TIGIT: variants seen among roughly 807,000 people sequenced by gnomAD.
TIGIT encodes T-cell immunoreceptor with Ig and ITIM domains.
Under a neutral mutation model 19.6 loss-of-function variants are expected in TIGIT, and 11 were observed. The ratio of observed to expected loss-of-function variants is 0.56; its 90% CI spans 0.35 to 0.93. TIGIT has a LOEUF of 0.93. TIGIT is among the 40% of genes least tolerant of loss of function. The pLI is 0.01. For missense variants in TIGIT, 295 were observed against 303.9 expected (o/e 0.97, Z 0.22); for synonymous variants, 130 against 125.5 (o/e 1.04, Z -0.24).
chr3:114,295,256 A>ATGGGC lies in TIGIT; in HGVS notation c.62-275_62-271dup, dbSNP rs1163053514. Among the ~76,000 whole-genome samples the ATGGGC allele has an allele frequency of 3.9e-5, 6 of 151,992 alleles. No homozygotes were observed. The South Asian group carries it at 8.3e-4, about 21-fold the overall frequency. ...GCATAGGGCAGTGGGTGGGGAGGAG[A>ATGGGC]TGGGCTGGGCTGGGCTGGAGTAGAG... On this transcript the variant is annotated intron_variant, in intron 1 of 3. Coordinates refer to ENST00000383671, the MANE Select transcript of TIGIT (RefSeq NM_173799.4).
chr3:114,299,206 T>C (rs1039523), intron 2 of TIGIT, among the ~76,000 whole-genome samples: 38,890 of 152,214 alleles, frequency 0.26, 6,065 homozygotes, highest in Middle Eastern at 0.37. Context: ...ATTTTAATTT[T>C]GAATTAAATA....
At chr3:114,305,094 G>A (rs771580102) in intron 3 of TIGIT, among the ~76,000 whole-genome samples, 6 of 152,224 alleles carry the variant, frequency 3.9e-5, no homozygotes, top group East Asian at 3.9e-4. Flanking sequence ...TCAGTCCATC[G>A]GTGCAATTTA....
intron 3 of TIGIT, among the ~76,000 whole-genome samples, chr3:114,305,041 C>T (rs1230637770): frequency 2.6e-5 from 4 of 152,216 alleles, no homozygotes; most frequent in African/African-American, 4.8e-5. Flanking sequence ...TTAACTCTCA[C>T]ACTTTGAGTT....
rs147478804 is a variant in TIGIT, at chr3:114,305,927, G to A, written c.499-1968G>A. Among the ~76,000 whole-genome samples, 11 of 151,960 alleles carry A rather than the reference G, an allele frequency of 7.2e-5. No individual in the cohort carries two copies. In the East Asian group the frequency reaches 1.9e-3, roughly 27 times the overall value. On this transcript the variant is annotated intron_variant, in intron 3 of 3. Coordinates refer to ENST00000383671, the MANE Select transcript of TIGIT (RefSeq NM_173799.4). ...ATAGATGAGGAGGGATTTGTTAGGGGAATTTGTTCAGGTGATTGTAAAGGC... is the reference window on the plus strand; with the variant it reads ...ATAGATGAGGAGGGATTTGTTAGGGAAATTTGTTCAGGTGATTGTAAAGGC...
chr3:114,299,673 A>T lies in TIGIT; in HGVS notation c.468A>T (p.Ala156=). Residue 156 remains alanine (A), a synonymous_variant, in exon 3 of 4, where the codon GCA becomes GCT. Coordinates refer to ENST00000383671, the MANE Select transcript of TIGIT (RefSeq NM_173799.4). The part of the protein sequence containing the change: ...MAATLVVICT[A]VIVVVALTRK... The stretch of plus-strand genomic sequence containing the variant: ...CGACGCTGGTGGTCATCTGCACAGC[A>T]GTCATCGTGGTGGTCGCGTTGACTA... The T allele has an allele frequency of 1.2e-6, 2 of 1,613,028 alleles. No individual in the cohort carries two copies. Among genetic ancestry groups the T allele is most frequent in the Non-Finnish European group, 1.7e-6 (2 of 1,179,842 alleles).
rs141793043 is a variant in TIGIT, at chr3:114,299,691, G to A, written c.486G>A (p.Ala162=). The stretch of plus-strand genomic sequence containing the variant: ...GCACAGCAGTCATCGTGGTGGTCGC[G>A]TTGACTAGAAAGGTAATGGCTCCGG... The part of the protein sequence containing the change: ...VICTAVIVVV[A]LTRKKKALRI... Residue 162 remains alanine, a synonymous_variant, in exon 3 of 4, where the codon GCG becomes GCA. Transcript: ENST00000383671. The A allele has an allele frequency of 1.9e-5, 30 of 1,610,732 alleles. No homozygotes were observed. Among genetic ancestry groups the A allele is most frequent in the East Asian group, 4.5e-5 (2 of 44,874 alleles).
intron 2 of TIGIT, among the ~76,000 whole-genome samples, chr3:114,298,344 C>T (rs1242187301): frequency 6.6e-6 from 1 of 152,198 alleles, no homozygotes; most frequent in African/African-American, 2.4e-5. Flanking sequence ...GTATCTCGAA[C>T]TTATCCTTAA....
intron 3 of TIGIT, among the ~76,000 whole-genome samples, chr3:114,300,248 A>G (rs1324647435): frequency 2.0e-5 from 3 of 152,140 alleles, no homozygotes; most frequent in African/African-American, 7.2e-5. Flanking sequence ...GTTGGCTATC[A>G]CAATAGACAT....
At chr3:114,303,854 G>A (rs1254272213) in intron 3 of TIGIT, among the ~76,000 whole-genome samples, 1 of 151,874 alleles carries the variant, frequency 6.6e-6, no homozygotes, top group Non-Finnish European at 1.5e-5. Context: ...GTTTTCCATA[G>A]TCATACTAGT....
At chr3:114,295,110 A>G in intron 1 of TIGIT, 1 of 200,190 alleles carries the variant, frequency 5.0e-6, no homozygotes. Context: ...CAGGCAGTGA[A>G]TGTGAAAGGA....
chr3:114,299,414 A>T (rs1220741335), intron 2 of TIGIT, among the ~76,000 whole-genome samples, 183 bp from the exon 3 acceptor site: 2 of 152,174 alleles, frequency 1.3e-5, no homozygotes, highest in African/African-American at 4.8e-5. Context: ...TCAGTCATTG[A>T]TTTCATGATG....
At chr3:114,295,501 A>G in intron 1 of TIGIT, 44 bp from the exon 2 acceptor site, 1 of 1,531,346 alleles carries the variant, frequency 6.5e-7, no homozygotes, top group Non-Finnish European at 8.9e-7. Flanking sequence ...GTTGAAGGCC[A>G]GCTGCTGACC....
At chr3:114,295,947 A>G in intron 2 of TIGIT, 73 bp downstream of exon 2, 1 of 1,211,640 alleles carries the variant, frequency 8.3e-7, no homozygotes, top group Non-Finnish European at 1.2e-6. Flanking sequence ...GAAACACTGC[A>G]CAGCAGGGCT....
At position 114,296,014 on chromosome 3, in the gene TIGIT, C is replaced by T. The variant is rs1442601660; in HGVS notation, c.391+140C>T. Reference sequence around the variant, plus strand: ...AGGAGATTTTAAATCATACTGATGCCGAGGCCTCACCCAGACCAATTCAAT... The same window carrying T: ...AGGAGATTTTAAATCATACTGATGCTGAGGCCTCACCCAGACCAATTCAAT... On this transcript the variant is annotated intron_variant, in intron 2 of 3. Coordinates refer to ENST00000383671, the MANE Select transcript of TIGIT (RefSeq NM_173799.4). 1.9e-5 allele frequency: 13 copies of T among 684,424 alleles called. 1 individual carries two copies. The highest frequency in any genetic ancestry group is 3.9e-5 in the South Asian group (2 of 50,876). 42.4% of individuals were successfully genotyped at this position (684,424 alleles called of 1,614,324 possible). A position where few individuals can be genotyped will look rare whatever the true frequency, so the allele number is the denominator to read the frequency against.
intron 2 of TIGIT, among the ~76,000 whole-genome samples, chr3:114,298,220 T>C (rs1029707136): frequency 1.3e-5 from 2 of 152,226 alleles, no homozygotes; most frequent in Non-Finnish European, 2.9e-5. Flanking sequence ...GACCTTGATA[T>C]CTTTGTTCTA....
intron 2 of TIGIT, among the ~76,000 whole-genome samples, chr3:114,297,087 G>C (rs900583469): frequency 6.6e-6 from 1 of 151,698 alleles, no homozygotes. Context: ...GTAGAGACAG[G>C]GTTTCTTCAC....
chr3:114,302,946 A>G (rs2078501715), intron 3 of TIGIT, among the ~76,000 whole-genome samples: 3 of 152,206 alleles, frequency 2.0e-5, no homozygotes, highest in African/African-American at 7.2e-5. Flanking sequence ...TTTGTAGGTC[A>G]TATGGTCTCT....
intron 3 of TIGIT, among the ~76,000 whole-genome samples, chr3:114,307,413 G>T (rs1576144672): frequency 6.6e-6 from 1 of 152,194 alleles, no homozygotes; most frequent in Non-Finnish European, 1.5e-5. Flanking sequence ...GTGAGAGAAA[G>T]CAGAGAGCAG....
chr3:114,296,075 G>T, intron 2 of TIGIT: 1 of 531,504 alleles, frequency 1.9e-6, no homozygotes. Flanking sequence ...CAAGGGTAAG[G>T]TCTAAAAGCA....
Sources: allele counts gnomAD v4.1 joint callset (sites outside exome capture counted in the v4.1 genomes callset), GRCh38; gene constraint gnomAD v4.1.1; transcripts MANE v1.5; gene names NCBI Gene and HGNC (gene_info 2026-07-23, HGNC 2026-07-21).